Variants in C6orf89 observed in about 807,000 individuals in gnomAD.
The protein encoded by C6orf89 is chromosome 6 open reading frame 89, also known as bombesin receptor-activated protein C6orf89.
Under a neutral mutation model 40.7 loss-of-function variants are expected in C6orf89, and 29 were observed. That is an observed-to-expected ratio of 0.71 (90% confidence interval 0.53 to 0.97). C6orf89 has a LOEUF of 0.97. C6orf89 is among the 50% of genes least tolerant of loss of function. The pLI is 0.00. For synonymous variants in C6orf89, 165 were observed against 152.2 expected (o/e 1.08, Z -0.62); for missense variants, 392 against 429.1 (o/e 0.91, Z 0.76).
At chr6:36,921,987 C>CGCTGCACTCCGCTATGACTGCACT (rs1561878611) in intron 8 of C6orf89, among the ~76,000 whole-genome samples, 1 of 152,108 alleles carries the variant, frequency 6.6e-6, no homozygotes, top group East Asian at 1.9e-4. Context: ...ATGACTGCAC[C>CGCTGCACTCCGCTATGACTGCACT]GCTGCACTCC....
intron 3 of C6orf89, among the ~76,000 whole-genome samples, chr6:36,901,675 TA>T (rs1359242410): frequency 7.5e-5 from 11 of 147,510 alleles, no homozygotes; most frequent in Non-Finnish European, 1.3e-4. Flanking sequence ...TATTTATTTT[TA>T]TTTTTTTTTT....
upstream of C6orf89, among the ~76,000 whole-genome samples, chr6:36,882,690 A>G (rs1416773247): frequency 2.7e-5 from 4 of 149,854 alleles, no homozygotes; most frequent in Non-Finnish European, 5.9e-5. Context: ...ATTTATAAAG[A>G]GATTTCATTC....
chr6:36,902,216 T>C lies in C6orf89; in HGVS notation c.190-5T>C. On this transcript the variant is annotated splice_polypyrimidine_tract_variant and splice_region_variant and intron_variant, in intron 3 of 8. Transcript: ENST00000480824. ...GATTAATGCCTTTTCTATCTTTCCT[T>C]GTAGGTTCTCGCAACCTTGGGATTA... 6.2e-7 allele frequency: 1 copy of C among 1,613,812 alleles called. No homozygotes were observed. Among genetic ancestry groups the C allele is most frequent in the Non-Finnish European group, 8.5e-7 (1 of 1,179,680 alleles).
At chr6:36,874,735 T>G in intron 1 of C6orf89, 1 of 1,614,068 alleles carries the variant, frequency 6.2e-7, no homozygotes, top group Non-Finnish European at 8.5e-7. Flanking sequence ...CAAGTAAACG[T>G]TGGGTGGCTG....
chr6:36,923,554 T>A lies in C6orf89; in HGVS notation c.*113T>A. The A allele has an allele frequency of 1.2e-6, 1 of 810,830 alleles. No homozygotes were observed. Among genetic ancestry groups the A allele is most frequent in the Non-Finnish European group, 2.1e-6 (1 of 474,192 alleles). 50.2% of individuals were successfully genotyped at this position (810,830 alleles called of 1,614,324 possible). ...TCTGGGGGTTGGTTACTTAGTTACC[T>A]GCCCTTTGCATGCATGTGTGAACCA... is the stretch of plus-strand genomic sequence containing the variant. On this transcript the variant is annotated 3_prime_UTR_variant, in exon 9 of 9. Coordinates refer to ENST00000480824, the MANE Select transcript of C6orf89 (RefSeq NM_001286635.2).
chr6:36,910,215 C>T (rs1473648277), intron 4 of C6orf89, among the ~76,000 whole-genome samples: 2 of 152,052 alleles, frequency 1.3e-5, no homozygotes, highest in African/African-American at 4.8e-5. Flanking sequence ...CTGCCTCAGC[C>T]TCCTGAGTAG....
chr6:36,901,184 G>A (rs527870340), intron 3 of C6orf89, among the ~76,000 whole-genome samples: 15 of 151,036 alleles, frequency 9.9e-5, no homozygotes, highest in African/African-American at 3.6e-4. Flanking sequence ...GTTTCACCAT[G>A]TTGGCCAAGC....
intron 1 of C6orf89, among the ~76,000 whole-genome samples, chr6:36,891,433 T>C (rs1384832217): frequency 6.6e-6 from 1 of 152,196 alleles, no homozygotes; most frequent in African/African-American, 2.4e-5. Context: ...TTGCTATTTG[T>C]GAATAGTGCC....
At chr6:36,911,127 G>T (rs1008745868) in intron 4 of C6orf89, among the ~76,000 whole-genome samples, 1 of 151,936 alleles carries the variant, frequency 6.6e-6, no homozygotes, top group Non-Finnish European at 1.5e-5. Context: ...TCTTCTACCT[G>T]CTTTTTAAAG....
At chr6:36,919,839 C>T in intron 8 of C6orf89, 138 bp downstream of exon 8, 5 of 875,482 alleles carry the variant, frequency 5.7e-6, no homozygotes, top group Non-Finnish European at 8.1e-6. Context: ...TTAACAGGCT[C>T]AATATTTATG....
intron 2 of C6orf89, among the ~76,000 whole-genome samples, chr6:36,897,891 C>A (rs1761501457): frequency 6.6e-6 from 1 of 151,990 alleles, no homozygotes; most frequent in African/African-American, 2.4e-5. Context: ...CTTTTTGGGG[C>A]TAGAAGTACT....
At chr6:36,890,906 A>G (rs574925843) in intron 1 of C6orf89, among the ~76,000 whole-genome samples, 1 of 152,278 alleles carries the variant, frequency 6.6e-6, no homozygotes, top group South Asian at 2.1e-4. Flanking sequence ...AATCGTATTA[A>G]TCATTTCAAT....
Position 36,926,807 on chromosome 6 carries a change from G to A in C6orf89, c.*3366G>A, listed in dbSNP as rs1762696191. The stretch of plus-strand genomic sequence containing the variant: ...GCTTAGAGCAGTTAACCGCTGGCAG[G>A]TAGGTAGCTGGTTCCATAGCACATC... On this transcript the variant is annotated 3_prime_UTR_variant, in exon 9 of 9. Transcript: ENST00000480824. The A allele has an allele frequency of 6.6e-6, 1 of 152,242 alleles. No individual in the cohort carries two copies. The highest frequency in any genetic ancestry group is 2.1e-4 in the South Asian group (1 of 4,836). The allele number at this position is 152,242 out of a possible 1,614,324, so 9.4% of individuals were successfully genotyped here.
rs1218608772 is a variant in C6orf89, at chr6:36,928,890, A to ATTACAT, written c.*5449_*5450insTTACAT. ...ACTGGTAAAGACTTCCACCATGTGA[A>ATTACAT]GAATGTATGTAAATTAAAGTTTATT... is the stretch of plus-strand genomic sequence containing the variant. On this transcript the variant is annotated 3_prime_UTR_variant, in exon 9 of 9. Coordinates refer to ENST00000480824, the MANE Select transcript of C6orf89 (RefSeq NM_001286635.2). The ATTACAT allele has an allele frequency of 8.5e-5, 13 of 152,362 alleles. 1 individual carries two copies. Among genetic ancestry groups the ATTACAT allele is most frequent in the Admixed American group, 7.2e-4 (11 of 15,308 alleles). 9.4% of individuals were successfully genotyped at this position (152,362 alleles called of 1,614,324 possible). A position where few individuals can be genotyped will look rare whatever the true frequency, so the allele number is the denominator to read the frequency against.
In C6orf89 at chr6:36,916,554, G is replaced by C. The variant is rs1423533349; in HGVS notation, c.805G>C (p.Glu269Gln). The C allele has an allele frequency of 6.2e-7, 1 of 1,614,150 alleles. No homozygotes were observed. ...AAACAAGTGCTCCTTTCTTCACCCA[G>C]AACCTGTTGTGGGGAGTAAGGTAGG... Reference protein sequence around the residue: ...SLNKCSFLHPEPVVGSKMHKM... With the variant: ...SLNKCSFLHPQPVVGSKMHKM... Residue 269 changes from glutamate (E) to glutamine (Q), a missense_variant, in exon 7 of 9, where the codon GAA (glutamate) becomes CAA (glutamine). Glu to Gln is a conservative substitution (Grantham distance 29). Transcript: ENST00000480824.
At chr6:36,908,912 A>G (rs987957495) in intron 4 of C6orf89, among the ~76,000 whole-genome samples, 1 of 152,166 alleles carries the variant, frequency 6.6e-6, no homozygotes, top group African/African-American at 2.4e-5. Context: ...TCACGTGGCC[A>G]TCTGCTTTCT....
chr6:36,883,633 T>A (rs563694638), upstream of C6orf89, among the ~76,000 whole-genome samples: 68 of 152,316 alleles, frequency 4.5e-4, no homozygotes, highest in South Asian at 1.0e-3. Flanking sequence ...GGTAACAAAC[T>A]TTAGTGGTAC....
intron 6 of C6orf89, among the ~76,000 whole-genome samples, chr6:36,915,760 A>G (rs1762293383): frequency 6.6e-6 from 1 of 151,652 alleles, no homozygotes. Context: ...TGGGAAACAG[A>G]GAGATTAAGT....
chr6:36,875,983 A>G (rs774343299), intron 1 of C6orf89, among the ~76,000 whole-genome samples: 12 of 152,252 alleles, frequency 7.9e-5, no homozygotes, highest in Non-Finnish European at 1.5e-4. Context: ...AGTACAGAGC[A>G]CAGGGTGCTC....
Sources: allele counts gnomAD v4.1 joint callset (sites outside exome capture counted in the v4.1 genomes callset), GRCh38; gene constraint gnomAD v4.1.1; transcripts MANE v1.5; gene names NCBI Gene and HGNC (gene_info 2026-07-23, HGNC 2026-07-21).